Variants in DNAJC6 observed in about 807,000 individuals in gnomAD.
DNAJC6 encodes the protein DnaJ heat shock protein family (Hsp40) member C6.
A neutral mutation model predicts 110.0 loss-of-function variants in DNAJC6; 34 were observed. The observed-to-expected ratio is 0.31, with a 90% CI of 0.24 to 0.41. DNAJC6 has a LOEUF of 0.41. Among genes scored for constraint, DNAJC6 ranks in the 10% least tolerant of loss-of-function variants. DNAJC6 has a pLI of 1.00. For synonymous variants in DNAJC6, 406 were observed against 437.2 expected, an observed-to-expected ratio of 0.93 and a Z score of 0.89; for missense variants, 1,031 against 1,207.8, an observed-to-expected ratio of 0.85 and a Z score of 2.17.
chr1:65,349,389 T>G (rs915659354), intron 1 of DNAJC6, among the ~76,000 whole-genome samples: 4 of 152,004 alleles, frequency 2.6e-5, no homozygotes, highest in Non-Finnish European at 4.4e-5. Context: ...ATCTTTTATA[T>G]TCACCCAGAC....
chr1:65,314,513 G>A (rs543942792), intron 1 of DNAJC6, among the ~76,000 whole-genome samples: 2 of 151,462 alleles, frequency 1.3e-5, no homozygotes, highest in South Asian at 2.1e-4. Flanking sequence ...TTTTTGAGAC[G>A]GAGTCTCACT....
chr1:65,346,565 A>G (rs376074324), intron 1 of DNAJC6, among the ~76,000 whole-genome samples: 3 of 152,194 alleles, frequency 2.0e-5, no homozygotes, highest in African/African-American at 2.4e-5. Flanking sequence ...TCCTGGTTCC[A>G]GTATGTATTA....
intron 1 of DNAJC6, among the ~76,000 whole-genome samples, chr1:65,343,742 TA>T (rs61021648): frequency 6.1e-5 from 9 of 148,026 alleles, no homozygotes; most frequent in East Asian, 2.0e-4. Context: ...CCTGACTTAA[TA>T]AAAAAAAAGG....
chr1:65,272,543 A>G (rs1489801182), intron 1 of DNAJC6, among the ~76,000 whole-genome samples: 2 of 152,226 alleles, frequency 1.3e-5, no homozygotes, highest in Non-Finnish European at 2.9e-5. Flanking sequence ...TTGACCTTGT[A>G]AAATGAATTA....
chr1:65,265,054 C>G (rs554578739), intron 1 of DNAJC6: 1 of 821,820 alleles, frequency 1.2e-6, no homozygotes, highest in South Asian at 1.8e-5. Context: ...AATTACCATA[C>G]CTATATTAAC....
intron 1 of DNAJC6, among the ~76,000 whole-genome samples, chr1:65,269,467 A>G (rs1653436236): frequency 6.6e-6 from 1 of 152,218 alleles, no homozygotes; most frequent in African/African-American, 2.4e-5. Flanking sequence ...GGTCAGATTC[A>G]GACTTTTAGG....
Position 65,337,277 on chromosome 1 carries a change from G to A in DNAJC6, c.193+27339G>A, listed in dbSNP as rs1156957815. On this transcript the variant is annotated intron_variant, in intron 1 of 18. Coordinates refer to ENST00000371069, the MANE Select transcript of DNAJC6 (RefSeq NM_001256864.2). The stretch of plus-strand genomic sequence containing the variant: ...CTGTCTAGTGCCATTGTTTTATTAG[G>A]GGCTGCAAATGTAATTCTTACTTTT... Among the ~76,000 whole-genome samples, 15 of 133,814 alleles carry A rather than the reference G, an allele frequency of 1.1e-4. 1 individual carries two copies. The highest frequency in any genetic ancestry group is 9.1e-4 in the Admixed American group (12 of 13,120). 87.8% of individuals were successfully genotyped at this position (133,814 alleles called of 152,430 possible).
rs576403304 is a variant in DNAJC6 at position 65,287,792 on chromosome 1, C to G, written c.-131+22860C>G. Among the ~76,000 whole-genome samples the G allele has an allele frequency of 9.2e-5, 14 of 152,026 alleles. No homozygotes were observed. In the South Asian group the frequency reaches 2.9e-3, roughly 32 times the overall value. ...CTGATTTTTGTATTTTTTGTAGAGA[C>G]AGAGTTTCACCATGTTGCCCAGGCT... On this transcript the variant is annotated intron_variant, in intron 1 of 19. Transcript: ENST00000263441.
At chr1:65,387,237 A>G (rs1356325934) in intron 8 of DNAJC6, among the ~76,000 whole-genome samples, 1 of 152,214 alleles carries the variant, frequency 6.6e-6, no homozygotes, top group African/African-American at 2.4e-5. Flanking sequence ...GGATCAGTGT[A>G]AGGGAAGAGA....
chr1:65,393,493 A>G (rs931069805), intron 12 of DNAJC6, among the ~76,000 whole-genome samples: 1 of 152,178 alleles, frequency 6.6e-6, no homozygotes, highest in Non-Finnish European at 1.5e-5. Context: ...ATTTGAAAAT[A>G]TGTTTAAGTG....
intron 1 of DNAJC6, among the ~76,000 whole-genome samples, chr1:65,348,693 GT>G (rs931858390): frequency 1.3e-4 from 19 of 150,828 alleles, no homozygotes; most frequent in African/African-American, 2.7e-4. Flanking sequence ...TATAATTTGT[GT>G]TTTTTTTATG....
At chr1:65,287,337 G>A (rs770956328) in intron 1 of DNAJC6, among the ~76,000 whole-genome samples, 1 of 152,160 alleles carries the variant, frequency 6.6e-6, no homozygotes, top group Non-Finnish European at 1.5e-5. Flanking sequence ...TTTTAAAAAT[G>A]GATACTTAAA....
At chr1:65,283,616 C>G (rs1653920413) in intron 1 of DNAJC6, among the ~76,000 whole-genome samples, 1 of 152,180 alleles carries the variant, frequency 6.6e-6, no homozygotes, top group Admixed American at 6.5e-5. Flanking sequence ...CTGTGAACAT[C>G]TGTGTACAAG....
At chr1:65,351,019 CT>C (rs1392013314) in intron 1 of DNAJC6, among the ~76,000 whole-genome samples, 1 of 152,186 alleles carries the variant, frequency 6.6e-6, no homozygotes, top group African/African-American at 2.4e-5. Flanking sequence ...TCCAGCACCC[CT>C]AATCCCTATG....
In DNAJC6 at chr1:65,366,092, C is replaced by A; in HGVS notation, c.439C>A (p.Gln147Lys). 6.2e-7 allele frequency: 1 copy of A among 1,613,912 alleles called. No individual in the cohort carries two copies. The highest frequency in any genetic ancestry group is 8.5e-7 in the Non-Finnish European group (1 of 1,179,828). The change falls in exon 4 of 19, where the codon CAG (glutamine) becomes AAG (lysine). Residue 147 changes from glutamine to lysine, a missense_variant. By Grantham distance (53) the Gln-to-Lys change is moderately conservative (BLOSUM62 1). Transcript: ENST00000371069. ...LDNVDIGFRN[Q>K]VDDIRSFLDS... is the part of the protein sequence containing the mutation. ...CAATGTTGACATAGGATTCAGGAAT[C>A]AGGTTGATGACATTCGAAGCTTTTT...
chr1:65,368,587 CT>C, intron 4 of DNAJC6, among the ~76,000 whole-genome samples: 1 of 85,232 alleles, frequency 1.2e-5, no homozygotes, highest in South Asian at 4.4e-4. Flanking sequence ...TCTTCCTCCT[CT>C]TCTTCTTCTT....
chr1:65,282,658 C>A lies in DNAJC6; in HGVS notation c.-131+17726C>A, dbSNP rs182730445. Among the ~76,000 whole-genome samples, 4 of 152,278 alleles carry A rather than the reference C, an allele frequency of 2.6e-5. No individual in the cohort carries two copies. In the East Asian group the frequency reaches 7.7e-4, roughly 29 times the overall value. ...TGTACATAACTGGGATGGACTTTAT[C>A]TGCTGCACTATTGGTGCAAAATCCT... On this transcript the variant is annotated intron_variant, in intron 1 of 19. Coordinates refer to the DNAJC6 transcript ENST00000263441.
intron 1 of DNAJC6, among the ~76,000 whole-genome samples, chr1:65,353,658 T>C (rs1312676309): frequency 1.3e-5 from 2 of 152,248 alleles, no homozygotes. Flanking sequence ...TCCACTCTTA[T>C]CAATCTTTTT....
chr1:65,348,467 G>A (rs1308305262), intron 1 of DNAJC6, among the ~76,000 whole-genome samples: 1 of 152,122 alleles, frequency 6.6e-6, no homozygotes, highest in African/African-American at 2.4e-5. Flanking sequence ...ATACTTAGAA[G>A]CTGTGCATAC....
Sources: gnomAD v4.1 joint callset for allele counts (sites outside exome capture counted in the v4.1 genomes callset) on GRCh38, gnomAD v4.1.1 for gene constraint, MANE v1.5 for transcripts, NCBI Gene and HGNC (gene_info 2026-07-23, HGNC 2026-07-21) for gene names.